Variants in LRMDA observed in about 807,000 individuals in gnomAD.
LRMDA encodes the protein leucine rich melanocyte differentiation associated.
A neutral mutation model predicts 29.8 loss-of-function variants in LRMDA; 18 were observed. The observed-to-expected ratio is 0.60, with a 90% confidence interval of 0.42 to 0.90. LRMDA has a LOEUF of 0.90. LRMDA is among the 40% of genes least tolerant of loss of function. The pLI is 0.00. For synonymous variants in LRMDA, 125 were observed against 109.4 expected (o/e 1.14, Z -0.89); for missense variants, 273 against 273.9 (o/e 1.00, Z 0.02).
chr10:76,290,854 A>G (rs983337718), intron 5 of LRMDA, among the ~76,000 whole-genome samples: 8 of 152,336 alleles, frequency 5.3e-5, no homozygotes, highest in Admixed American at 1.3e-4. Flanking sequence ...AAGAGATGAG[A>G]GACCAGTTGA....
chr10:75,860,692 C>T (rs1413255158), intron 2 of LRMDA, among the ~76,000 whole-genome samples: 1 of 152,128 alleles, frequency 6.6e-6, no homozygotes, highest in African/African-American at 2.4e-5. Context: ...TACTAACAAA[C>T]ATTGGAACGC....
intron 5 of LRMDA, among the ~76,000 whole-genome samples, chr10:76,106,622 G>A (rs558838128): frequency 6.6e-6 from 1 of 152,256 alleles, no homozygotes; most frequent in South Asian, 2.1e-4. Flanking sequence ...TCTCCCCCAG[G>A]CCCAGTCCTG....
At chr10:75,449,385 A>C (rs1844433396) in intron 2 of LRMDA, among the ~76,000 whole-genome samples, 1 of 152,128 alleles carries the variant, frequency 6.6e-6, no homozygotes, top group Non-Finnish European at 1.5e-5. Context: ...AGCTGGGATA[A>C]ATGGCCCCAG....
At chr10:75,461,314 T>C (rs1324131229) in intron 2 of LRMDA, among the ~76,000 whole-genome samples, 1 of 152,204 alleles carries the variant, frequency 6.6e-6, no homozygotes, top group Non-Finnish European at 1.5e-5. Context: ...TCCCTGGATC[T>C]TCAAAGATAA....
At chr10:76,245,755 C>T (rs889158629) in intron 5 of LRMDA, among the ~76,000 whole-genome samples, 10 of 152,178 alleles carry the variant, frequency 6.6e-5, no homozygotes, top group African/African-American at 2.2e-4. Context: ...TGCCCTTATA[C>T]TATGACAGCT....
intron 6 of LRMDA, among the ~76,000 whole-genome samples, chr10:76,507,983 A>G (rs1215162475): frequency 1.3e-5 from 2 of 152,108 alleles, no homozygotes; most frequent in Non-Finnish European, 2.9e-5. Context: ...TTCCAGGAGA[A>G]TGACATTTTT....
Position 76,263,570 on chromosome 10 carries a change from G to A in LRMDA, c.517-60831G>A, listed in dbSNP as rs12572251. ...TACATAACTCATCTCACATAGTTAC[G>A]AAGTTTTGTCCCCTTGGACTGTAAG... On this transcript the variant is annotated intron_variant, in intron 5 of 6. Transcript: ENST00000611255. 2.2e-3 allele frequency among the ~76,000 whole-genome samples: 335 copies of A among 152,208 alleles called. 5 individuals are homozygous for A. In the East Asian group the frequency reaches 0.054, roughly 24 times the overall value.
chr10:76,413,770 G>T (rs1375077809), intron 6 of LRMDA, among the ~76,000 whole-genome samples: 2 of 152,150 alleles, frequency 1.3e-5, no homozygotes, highest in Non-Finnish European at 1.5e-5. Flanking sequence ...TCTATCCCAG[G>T]GGCCTAAACT....
chr10:75,698,432 C>G (rs75080889), intron 2 of LRMDA, among the ~76,000 whole-genome samples: 1,581 of 152,310 alleles, frequency 0.01, 28 homozygotes, highest in African/African-American at 0.036. Flanking sequence ...TGCTGAAAGA[C>G]AGTGTTAATT....
intron 6 of LRMDA, among the ~76,000 whole-genome samples, chr10:76,521,297 C>A (rs1046128987): frequency 4.6e-5 from 7 of 152,078 alleles, no homozygotes; most frequent in Non-Finnish European, 8.8e-5. Flanking sequence ...CCACGCCCGG[C>A]TAATTTTTTT....
intron 2 of LRMDA, among the ~76,000 whole-genome samples, chr10:75,801,884 G>A (rs1843749313): frequency 6.6e-6 from 1 of 152,328 alleles, no homozygotes; most frequent in South Asian, 2.1e-4. Flanking sequence ...GATGATGATT[G>A]ATCTGGGTCA....
At chr10:75,467,082 C>T (rs1040216469) in intron 2 of LRMDA, among the ~76,000 whole-genome samples, 9 of 152,076 alleles carry the variant, frequency 5.9e-5, no homozygotes, top group Non-Finnish European at 1.3e-4. Context: ...TAGGTGACTG[C>T]AACCCAGCCA....
intron 5 of LRMDA, among the ~76,000 whole-genome samples, chr10:76,290,838 A>G (rs1163040448): frequency 6.6e-6 from 1 of 152,222 alleles, no homozygotes; most frequent in Non-Finnish European, 1.5e-5. Flanking sequence ...TATTTAGTAT[A>G]TAATGAAGAG....
intron 2 of LRMDA, among the ~76,000 whole-genome samples, chr10:75,807,261 G>A (rs749968203): frequency 2.0e-5 from 3 of 152,174 alleles, no homozygotes; most frequent in South Asian, 2.1e-4. Flanking sequence ...GGGAGGGAAA[G>A]CAGCATTTTC....
chr10:76,502,565 T>C (rs1395019642), intron 6 of LRMDA, among the ~76,000 whole-genome samples: 1 of 151,940 alleles, frequency 6.6e-6, no homozygotes, highest in Non-Finnish European at 1.5e-5. Context: ...CTTGTGGAGA[T>C]ATTTCACCCT....
chr10:75,664,825 C>A (rs1331210067), intron 2 of LRMDA, among the ~76,000 whole-genome samples: 2 of 152,174 alleles, frequency 1.3e-5, no homozygotes, highest in African/African-American at 4.8e-5. Flanking sequence ...AAAAGTAATT[C>A]AACCATAAAT....
intron 5 of LRMDA, among the ~76,000 whole-genome samples, chr10:76,316,852 G>A (rs1840706467): frequency 6.6e-6 from 1 of 152,162 alleles, no homozygotes; most frequent in African/African-American, 2.4e-5. Context: ...ATAATTATTT[G>A]TTTGTAGATA....
intron 2 of LRMDA, among the ~76,000 whole-genome samples, chr10:75,467,657 A>G (rs1454133753): frequency 6.6e-6 from 1 of 152,058 alleles, no homozygotes; most frequent in East Asian, 1.9e-4. Context: ...AGGACAGTAT[A>G]CCAGACATCA....
chr10:75,840,298 A>G (rs142311012), intron 2 of LRMDA, among the ~76,000 whole-genome samples: 1 of 152,106 alleles, frequency 6.6e-6, no homozygotes, highest in African/African-American at 2.4e-5. Context: ...TTTTAACCTC[A>G]TTTCCCAGTT....
Sources: gnomAD v4.1 joint callset for allele counts (sites outside exome capture counted in the v4.1 genomes callset) on GRCh38, gnomAD v4.1.1 for gene constraint, MANE v1.5 for transcripts, NCBI Gene and HGNC (gene_info 2026-07-23, HGNC 2026-07-21) for gene names.